Variants in ATP10B observed in about 807,000 individuals in gnomAD.
The protein encoded by ATP10B is ATPase phospholipid transporting 10B (putative).
ATP10B carries 122 observed loss-of-function variants against 141.2 expected under a neutral mutation model. That is an observed-to-expected ratio of 0.86 (90% confidence interval 0.75 to 1.00). ATP10B has a LOEUF of 1.00. Ranked by LOEUF, ATP10B falls within the 50% of genes least tolerant of loss-of-function variation. The probability of loss-of-function intolerance (pLI) is 0.00; values close to 1 mark genes in which losing one functional copy is unlikely to be tolerated. For synonymous variants in ATP10B, 685 were observed against 692.0 expected (o/e 0.99, Z 0.16); for missense variants, 1,876 against 1,825.3 (o/e 1.03, Z -0.51).
At chr5:160,591,022 G>A (rs1581163665) in intron 23 of ATP10B, 37 bp downstream of exon 23, 2 of 1,392,130 alleles carry the variant, frequency 1.4e-6, no homozygotes, top group Non-Finnish European at 1.9e-6. Flanking sequence ...GTTCTTCTCT[G>A]CAATTTATGT....
intron 1 of ATP10B, among the ~76,000 whole-genome samples, chr5:160,803,116 C>A (rs1025507248): frequency 3.3e-5 from 5 of 152,154 alleles, no homozygotes; most frequent in Non-Finnish European, 7.3e-5. Flanking sequence ...GGCTTGGAAC[C>A]AGCTGACCTG....
intron 1 of ATP10B, among the ~76,000 whole-genome samples, chr5:160,848,027 C>T (rs1323289856): frequency 6.6e-6 from 1 of 152,132 alleles, no homozygotes; most frequent in Non-Finnish European, 1.5e-5. Flanking sequence ...AGGTTTATGC[C>T]TGGGGAAAAT....
chr5:160,704,763 A>G (rs1764879920), intron 3 of ATP10B, among the ~76,000 whole-genome samples: 1 of 152,230 alleles, frequency 6.6e-6, no homozygotes, highest in South Asian at 2.1e-4. Flanking sequence ...TTTACCAATT[A>G]TCTTAGCTAG....
At chr5:160,604,703 T>TAGACACACACACACACAC (rs1262539884) in intron 19 of ATP10B, among the ~76,000 whole-genome samples, 1 of 151,746 alleles carries the variant, frequency 6.6e-6, no homozygotes, top group Non-Finnish European at 1.5e-5. Flanking sequence ...AGGTAAGGCA[T>TAGACACACACACACACAC]AGACACACAC....
rs115539493 is a variant in ATP10B at position 160,839,280 on chromosome 5, A to G, written c.-576+12661T>C. On this transcript the variant is annotated intron_variant, in intron 1 of 25. Transcript: ENST00000327245. ...TGTGAAGGACTTCAGATGAGAATAT[A>G]TTTAGGATGACGAAGAAAGTTCAGT... Among the ~76,000 whole-genome samples the G allele has an allele frequency of 6.0e-3, 917 of 152,274 alleles. 13 individuals are homozygous for G. Among genetic ancestry groups the G allele is most frequent in the African/African-American group, 0.021 (873 of 41,578 alleles).
At chr5:160,630,819 C>A (rs1758878486) in intron 13 of ATP10B, among the ~76,000 whole-genome samples, 1 of 152,180 alleles carries the variant, frequency 6.6e-6, no homozygotes, top group South Asian at 2.1e-4. Context: ...CATTTCCGTG[C>A]ATGACAATAA....
chr5:160,683,672 G>A (rs1454211294), intron 6 of ATP10B, among the ~76,000 whole-genome samples: 1 of 152,226 alleles, frequency 6.6e-6, no homozygotes, highest in Admixed American at 6.5e-5. Flanking sequence ...ATGGCCTAGG[G>A]TGCTGCTTGT....
chr5:160,661,688 A>G (rs998147766), intron 7 of ATP10B, among the ~76,000 whole-genome samples: 1 of 152,226 alleles, frequency 6.6e-6, no homozygotes, highest in African/African-American at 2.4e-5. Flanking sequence ...CACAGCCAAT[A>G]TCATACTGAA....
Position 160,565,716 on chromosome 5 carries a change from G to A in ATP10B, c.4123C>T (p.Gln1375Ter), listed in dbSNP as rs1754493749. The A allele has an allele frequency of 1.2e-6, 2 of 1,613,898 alleles. No homozygotes were observed. The highest frequency in any genetic ancestry group is 1.7e-6 in the Non-Finnish European group (2 of 1,179,966). ...THHPVSSITG[Q>*]DFSASTPKSS... ...TTTGGGGTGCTGGCACTGAAGTCCT[G>A]TCCTGTGATAGATGACACTGGGTGG... The change falls in exon 26 of 26, where the codon CAG becomes TAG. Residue 1375 changes from glutamine (Q) to a stop codon, truncating the protein, a stop_gained. Transcript: ENST00000327245. LOFTEE classifies it low-confidence loss of function (END_TRUNC).
chr5:160,879,549 A>C, the ATP10B span, among the ~76,000 whole-genome samples: 1 of 151,604 alleles, frequency 6.6e-6, no homozygotes, highest in Non-Finnish European at 1.5e-5. Flanking sequence ...AAAAAAAAAA[A>C]AAAACCACGG....
chr5:160,898,556 A>G, the ATP10B span, among the ~76,000 whole-genome samples: 2 of 152,220 alleles, frequency 1.3e-5, no homozygotes, highest in African/African-American at 4.8e-5. Flanking sequence ...GAGAGTGTAA[A>G]TTAGTTTGAC....
intron 2 of ATP10B, among the ~76,000 whole-genome samples, chr5:160,778,646 T>C (rs1219749123): frequency 2.6e-5 from 4 of 151,944 alleles, no homozygotes; most frequent in African/African-American, 9.7e-5. Context: ...ATAACTTCTA[T>C]TCATGATCAC....
At chr5:160,680,952 G>C (rs1359934343) in intron 6 of ATP10B, among the ~76,000 whole-genome samples, 1 of 152,174 alleles carries the variant, frequency 6.6e-6, no homozygotes, top group Non-Finnish European at 1.5e-5. Context: ...GGCTGGAGCT[G>C]CTGCAGCCAT....
At chr5:160,727,505 G>T (rs1297629072) in intron 2 of ATP10B, among the ~76,000 whole-genome samples, 1 of 152,182 alleles carries the variant, frequency 6.6e-6, no homozygotes, top group East Asian at 1.9e-4. Context: ...TTTGTCCCTG[G>T]CTTCCGGTCA....
At chr5:160,768,305 T>A (rs1480391017) in intron 2 of ATP10B, among the ~76,000 whole-genome samples, 1 of 152,220 alleles carries the variant, frequency 6.6e-6, no homozygotes, top group Non-Finnish European at 1.5e-5. Flanking sequence ...AAAAAGAAAC[T>A]ATGATTTAGA....
intron 2 of ATP10B, among the ~76,000 whole-genome samples, chr5:160,762,841 C>A (rs954850608): frequency 6.6e-6 from 1 of 151,962 alleles, no homozygotes; most frequent in Non-Finnish European, 1.5e-5. Context: ...TGAAGACTCA[C>A]ATAAACTTAA....
intron 1 of ATP10B, among the ~76,000 whole-genome samples, chr5:160,786,907 G>A (rs11135124): frequency 0.12 from 17,975 of 151,858 alleles, 1,131 homozygotes; most frequent in East Asian, 0.13. Flanking sequence ...GGACAGCCTC[G>A]GCCTCCTCAG....
In ATP10B at chr5:160,570,545, G is replaced by T. The variant is rs80135563; in HGVS notation, c.3751-862C>A. On this transcript the variant is annotated intron_variant, in intron 24 of 25. Transcript: ENST00000327245. Reference sequence around the variant, plus strand: ...CTTACAACTAGTTTTCCATCCTCCTGAATTACACACGAGATTTAGAGCACT... The same window carrying T: ...CTTACAACTAGTTTTCCATCCTCCTTAATTACACACGAGATTTAGAGCACT... Among the ~76,000 whole-genome samples the T allele has an allele frequency of 8.2e-3, 1,244 of 152,228 alleles. 7 individuals are homozygous for T. Among genetic ancestry groups the T allele is most frequent in the Non-Finnish European group, 0.014 (923 of 68,006 alleles).
At chr5:160,894,442 G>T in the ATP10B span, among the ~76,000 whole-genome samples, 6 of 151,780 alleles carry the variant, frequency 4.0e-5, no homozygotes, top group Admixed American at 6.6e-5. Flanking sequence ...TCAAGCAGAA[G>T]AAAGGATATC....
Sources: allele counts gnomAD v4.1 joint callset (sites outside exome capture counted in the v4.1 genomes callset), GRCh38; gene constraint gnomAD v4.1.1; transcripts MANE v1.5; gene names NCBI Gene and HGNC (gene_info 2026-07-23, HGNC 2026-07-21).